Variants in PRKG1 observed in about 807,000 individuals in gnomAD.
The protein encoded by PRKG1 is cGMP-dependent protein kinase 1.
Under a neutral mutation model 88.1 loss-of-function variants are expected in PRKG1, and 35 were observed. The observed-to-expected ratio is 0.40, with a 90% CI of 0.30 to 0.53. The LOEUF (loss-of-function observed/expected upper bound fraction) is 0.53. Among genes scored for constraint, PRKG1 ranks in the 20% least tolerant of loss-of-function variants. The probability of loss-of-function intolerance (pLI) is 0.59; values close to 1 mark genes in which losing one functional copy is unlikely to be tolerated. For missense variants in PRKG1, 540 were observed against 839.8 expected (o/e 0.64, Z 4.41); for synonymous variants, 303 against 292.5 (o/e 1.04, Z -0.37).
Position 51,979,611 on chromosome 10 carries a change from C to CTT in PRKG1, c.762+72061_762+72062dup, listed in dbSNP as rs71032612. Among the ~76,000 whole-genome samples the CTT allele has an allele frequency of 1.5e-3, 106 of 72,262 alleles. 1 individual carries two copies. The highest frequency in any genetic ancestry group is 1.9e-3 in the Non-Finnish European group (72 of 38,314). 47.4% of individuals were successfully genotyped at this position (72,262 alleles called of 152,430 possible). On this transcript the variant is annotated intron_variant, in intron 5 of 17. Transcript: ENST00000373980. ...AACTCTGAATCCATCTGGTCCTGGGCTTTTTTTTTTTTTTTTTTTTTAAGG... is the reference window on the plus strand; with the variant it reads ...AACTCTGAATCCATCTGGTCCTGGGCTTTTTTTTTTTTTTTTTTTTTTTAAGG...
At chr10:51,064,012 T>C (rs1286545527) in intron 1 of PRKG1, among the ~76,000 whole-genome samples, 1 of 152,090 alleles carries the variant, frequency 6.6e-6, no homozygotes, top group Non-Finnish European at 1.5e-5. Context: ...CAAATTTCTC[T>C]TGTCATGTGA....
chr10:51,314,773 C>G (rs1841278109), intron 2 of PRKG1, among the ~76,000 whole-genome samples: 1 of 152,190 alleles, frequency 6.6e-6, no homozygotes, highest in Admixed American at 6.6e-5. Context: ...CTTATGAGGA[C>G]TGAATCTGTG....
chr10:51,704,784 A>G (rs1236693843), intron 3 of PRKG1, among the ~76,000 whole-genome samples: 1 of 152,146 alleles, frequency 6.6e-6, no homozygotes, highest in African/African-American at 2.4e-5. Context: ...CAGATTATAA[A>G]AGGTTTTGAA....
At chr10:52,192,908 A>G (rs1839403017) in intron 9 of PRKG1, among the ~76,000 whole-genome samples, 1 of 152,068 alleles carries the variant, frequency 6.6e-6, no homozygotes, top group Non-Finnish European at 1.5e-5. Flanking sequence ...AAGACAGTTG[A>G]GGCAAAAGGC....
chr10:51,315,116 G>T (rs1473489783), intron 2 of PRKG1, among the ~76,000 whole-genome samples: 6 of 152,118 alleles, frequency 3.9e-5, no homozygotes, highest in African/African-American at 1.4e-4. Context: ...TTAACATTCT[G>T]ACAAGTTATT....
chr10:51,938,289 C>A (rs1190249723), intron 5 of PRKG1, among the ~76,000 whole-genome samples: 2 of 151,958 alleles, frequency 1.3e-5, no homozygotes, highest in African/African-American at 4.8e-5. Flanking sequence ...TCTTACTGTG[C>A]TTAATTTATA....
At chr10:51,557,442 G>A (rs1837342856) in intron 3 of PRKG1, among the ~76,000 whole-genome samples, 1 of 151,934 alleles carries the variant, frequency 6.6e-6, no homozygotes, top group Non-Finnish European at 1.5e-5. Flanking sequence ...AGAAAGAGAG[G>A]CTGAAGCTTT....
At chr10:51,824,207 T>C (rs1429548608) in intron 4 of PRKG1, among the ~76,000 whole-genome samples, 1 of 152,172 alleles carries the variant, frequency 6.6e-6, no homozygotes, top group Non-Finnish European at 1.5e-5. Context: ...ATATGATAAA[T>C]TCCTTATAGG....
rs1174802144 is a variant in PRKG1, at chr10:50,991,355, T to A, written c.-24T>A. 6.0e-6 allele frequency: 9 copies of A among 1,488,330 alleles called. No homozygotes were observed. The highest frequency in any genetic ancestry group is 7.2e-6 in the Non-Finnish European group (8 of 1,118,416). The allele number at this position is 1,488,330 out of a possible 1,614,324, so 92.2% of individuals were successfully genotyped here. ...CCGCCGCCGCCGCCCGAGAAAAAGTTTCGCGGAGGGGCTCAGTGAAAAAAT... is the reference window on the plus strand; with the variant it reads ...CCGCCGCCGCCGCCCGAGAAAAAGTATCGCGGAGGGGCTCAGTGAAAAAAT... On this transcript the variant is annotated 5_prime_UTR_variant, in exon 1 of 18. Coordinates refer to the PRKG1 transcript ENST00000401604. This position sits in a 1 kb window ranked among gnomAD's most constrained non-coding sequence, Gnocchi z 4.5.
chr10:51,110,898 A>G (rs1201951520), intron 1 of PRKG1, among the ~76,000 whole-genome samples: 1 of 152,152 alleles, frequency 6.6e-6, no homozygotes, highest in South Asian at 2.1e-4. Context: ...ATGGACTGCC[A>G]TAGTAACTGT....
intron 2 of PRKG1, among the ~76,000 whole-genome samples, chr10:51,285,593 G>A (rs1242290016): frequency 6.6e-6 from 1 of 152,166 alleles, no homozygotes. Context: ...GAGACGACTT[G>A]ATTCTGTCCT....
intron 4 of PRKG1, among the ~76,000 whole-genome samples, chr10:51,889,403 G>T (rs1270582314): frequency 6.6e-6 from 1 of 151,854 alleles, no homozygotes; most frequent in Non-Finnish European, 1.5e-5. Context: ...ACTTTTTTAT[G>T]GCTGCGTAGT....
At chr10:51,512,175 A>AT (rs59298858) in intron 3 of PRKG1, among the ~76,000 whole-genome samples, 103,261 of 132,690 alleles carry the variant, frequency 0.78, 40,420 homozygotes, top group East Asian at 0.92. Context: ...ATTCTAATTA[A>AT]TTTTTTTTTT....
chr10:52,021,807 T>C (rs1845193398), intron 5 of PRKG1, among the ~76,000 whole-genome samples: 1 of 152,206 alleles, frequency 6.6e-6, no homozygotes, highest in Admixed American at 6.5e-5. Flanking sequence ...GATTCTACAA[T>C]GTAACCTAAT....
rs190107739 is a variant in PRKG1, at chr10:51,485,239, G to A, written c.592+17403G>A. 2.1e-3 allele frequency among the ~76,000 whole-genome samples: 319 copies of A among 152,010 alleles called. 1 individual carries two copies. The highest frequency in any genetic ancestry group is 0.01 in the Middle Eastern group (3 of 294). On this transcript the variant is annotated intron_variant, in intron 3 of 17. Coordinates refer to ENST00000373980, the MANE Select transcript of PRKG1 (RefSeq NM_006258.4). ...CCTGGTTATCCTCTTTACATTCTTG[G>A]TTAACTGTAGTTACATTGATAAGTA...
chr10:51,262,519 C>CCTGT (rs138816672), intron 2 of PRKG1, among the ~76,000 whole-genome samples: 16,996 of 152,032 alleles, frequency 0.11, 1,275 homozygotes, highest in African/African-American at 0.22. Context: ...CATTTTATTG[C>CCTGT]CTAAGGATGA....
chr10:51,312,683 A>ATGTGTGTGTGTG (rs34906561), intron 2 of PRKG1, among the ~76,000 whole-genome samples: 1 of 150,814 alleles, frequency 6.6e-6, no homozygotes, highest in Non-Finnish European at 1.5e-5. Context: ...AGATGGATAT[A>ATGTGTGTGTGTG]TGTGTGTGTG....
chr10:51,657,593 T>C (rs575615741), intron 3 of PRKG1, among the ~76,000 whole-genome samples: 31 of 152,272 alleles, frequency 2.0e-4, no homozygotes, highest in African/African-American at 6.5e-4. Flanking sequence ...GCATTCTTTA[T>C]TTTGTGGTCA....
intron 3 of PRKG1, among the ~76,000 whole-genome samples, chr10:51,544,258 A>G (rs1842390640): frequency 8.0e-6 from 1 of 124,856 alleles, no homozygotes; most frequent in Admixed American, 1.0e-4. Context: ...CCCTGTGTCC[A>G]AGTGTTTGCA....
Sources: gnomAD v4.1 joint callset for allele counts (sites outside exome capture counted in the v4.1 genomes callset) on GRCh38, gnomAD v4.1.1 for gene constraint, Gnocchi (gnomAD v3.1) non-coding constraint, MANE v1.5 for transcripts, NCBI Gene and HGNC (gene_info 2026-07-23, HGNC 2026-07-21) for gene names.